SMAP1: variants seen among roughly 807,000 people sequenced by gnomAD.
SMAP1 encodes stromal membrane-associated protein 1.
SMAP1 carries 24 observed loss-of-function variants against 58.5 expected under a neutral mutation model. The observed-to-expected ratio is 0.41, with a 90% CI of 0.30 to 0.58. The LOEUF (loss-of-function observed/expected upper bound fraction) is 0.58, where lower values mean the gene tolerates loss of function less well. SMAP1 is among the 20% of genes least tolerant of loss of function. The pLI is 0.29. For missense variants in SMAP1, 563 were observed against 566.3 expected (o/e 0.99, Z 0.06); for synonymous variants, 216 against 196.6 (o/e 1.10, Z -0.82).
intron 6 of SMAP1, among the ~76,000 whole-genome samples, chr6:70,833,812 G>A (rs1770459823): frequency 6.6e-6 from 1 of 152,008 alleles, no homozygotes; most frequent in African/African-American, 2.4e-5. Context: ...GTTTCGTTGT[G>A]GCCCATAAAA....
At chr6:70,697,123 G>A (rs1767436550) in intron 1 of SMAP1, among the ~76,000 whole-genome samples, 1 of 152,116 alleles carries the variant, frequency 6.6e-6, no homozygotes, top group Non-Finnish European at 1.5e-5. Context: ...TGTTATTACA[G>A]GTGAAGTGTG....
intron 1 of SMAP1, among the ~76,000 whole-genome samples, chr6:70,686,942 T>C (rs1173744802): frequency 2.0e-5 from 3 of 152,218 alleles, no homozygotes; most frequent in Non-Finnish European, 2.9e-5. Context: ...TTGAGAAATA[T>C]TGACCTAATA....
intron 1 of SMAP1, among the ~76,000 whole-genome samples, chr6:70,698,690 C>T (rs1767508897): frequency 6.6e-6 from 1 of 152,154 alleles, no homozygotes; most frequent in African/African-American, 2.4e-5. Flanking sequence ...CTGACGCATT[C>T]TTCAGTATGT....
chr6:70,754,989 G>C lies in SMAP1; in HGVS notation c.262G>C (p.Asp88His). The C allele has an allele frequency of 6.2e-7, 1 of 1,608,064 alleles. No individual in the cohort carries two copies. The change falls in exon 3 of 11, where the codon GAT becomes CAT. Residue 88 changes from aspartate (D) to histidine (H), a missense_variant. By Grantham distance (81) the Asp-to-His change is moderately conservative. This residue lies in a region of SMAP1 where 494 missense variants were observed against 473.8 expected (regional missense o/e 1.04). Coordinates refer to ENST00000370455, the MANE Select transcript of SMAP1 (RefSeq NM_001044305.3). ...WTAEQIQCMQDMGNTKARLLY... is the reference protein window; with the variant it reads ...WTAEQIQCMQHMGNTKARLLY... ...ATTTTTTTTATTATAGTGCATGCAA[G>C]ATATGGGAAATACTAAAGCAAGACT... is the stretch of plus-strand genomic sequence containing the variant.
chr6:70,850,516 T>G lies in SMAP1; in HGVS notation c.665-2024T>G, dbSNP rs190204917. On this transcript the variant is annotated intron_variant, in intron 7 of 10. Coordinates refer to ENST00000370455, the MANE Select transcript of SMAP1 (RefSeq NM_001044305.3). ...CATGTGCTTCTATTTGAGTTTAAAT[T>G]TTATAAACATTTAAAATTTGTACAT... 5.3e-3 allele frequency among the ~76,000 whole-genome samples: 806 copies of G among 151,644 alleles called. 3 individuals are homozygous for G. Among genetic ancestry groups the G allele is most frequent in the African/African-American group, 0.019 (780 of 41,480 alleles).
intron 1 of SMAP1, among the ~76,000 whole-genome samples, chr6:70,701,369 T>G (rs1420695772): frequency 6.6e-6 from 1 of 152,166 alleles, no homozygotes. Context: ...CCTGGCCTGG[T>G]GTCTTACTAG....
chr6:70,689,205 C>T (rs747812087), intron 1 of SMAP1, among the ~76,000 whole-genome samples: 10 of 152,100 alleles, frequency 6.6e-5, no homozygotes, highest in African/African-American at 1.4e-4. Flanking sequence ...GATGGGGTTT[C>T]ACTATGTTGG....
chr6:70,818,886 A>C (rs1212778037), intron 6 of SMAP1, among the ~76,000 whole-genome samples: 1 of 143,454 alleles, frequency 7.0e-6, no homozygotes, highest in Non-Finnish European at 1.5e-5. Context: ...TTCATATATC[A>C]TGTCATCCAT....
At chr6:70,765,737 A>G (rs1766945366) in intron 3 of SMAP1, among the ~76,000 whole-genome samples, 1 of 151,278 alleles carries the variant, frequency 6.6e-6, no homozygotes, top group East Asian at 1.9e-4. Context: ...TTTATTTTTT[A>G]TTTATTTTTA....
intron 6 of SMAP1, among the ~76,000 whole-genome samples, chr6:70,835,324 G>A (rs2149996608): frequency 6.6e-6 from 1 of 151,476 alleles, no homozygotes; most frequent in East Asian, 1.9e-4. Flanking sequence ...TAATTCTAAG[G>A]GAGAGTGTAG....
chr6:70,858,496 G>A, intron 10 of SMAP1: 2 of 293,416 alleles, frequency 6.8e-6, no homozygotes, highest in Non-Finnish European at 1.3e-5. Flanking sequence ...TAACTGTAAC[G>A]TGAACACCAC....
At chr6:70,765,259 A>T (rs1419749420) in intron 3 of SMAP1, among the ~76,000 whole-genome samples, 1 of 152,212 alleles carries the variant, frequency 6.6e-6, no homozygotes, top group Non-Finnish European at 1.5e-5. Context: ...AATGTCTTTG[A>T]TAGGTTCTTA....
intron 4 of SMAP1, among the ~76,000 whole-genome samples, chr6:70,781,658 A>G (rs1001893803): frequency 3.3e-5 from 5 of 152,222 alleles, no homozygotes; most frequent in African/African-American, 1.2e-4. Flanking sequence ...GGACCACCAG[A>G]TTTAATTTTC....
intron 6 of SMAP1, among the ~76,000 whole-genome samples, chr6:70,832,564 A>G (rs1022605813): frequency 3.3e-5 from 5 of 152,216 alleles, no homozygotes; most frequent in Admixed American, 6.5e-5. Context: ...CTGCTGTAAC[A>G]GAATAGCACA....
At chr6:70,680,550 C>T (rs1766657016) in intron 1 of SMAP1, among the ~76,000 whole-genome samples, 1 of 152,020 alleles carries the variant, frequency 6.6e-6, no homozygotes, top group African/African-American at 2.4e-5. Flanking sequence ...AATGTTTTAT[C>T]AGTTGACGAA....
At chr6:70,808,423 AT>A (rs1297703950) in intron 6 of SMAP1, among the ~76,000 whole-genome samples, 1 of 152,164 alleles carries the variant, frequency 6.6e-6, no homozygotes, top group African/African-American at 2.4e-5. Flanking sequence ...TGAAAACTTT[AT>A]TTTTAAAAAC....
At chr6:70,807,438 G>GT (rs1288344975) in intron 6 of SMAP1, among the ~76,000 whole-genome samples, 6 of 151,894 alleles carry the variant, frequency 4.0e-5, no homozygotes, top group African/African-American at 1.5e-4. Context: ...TGTAAATTTC[G>GT]TTTTTTCTAA....
intron 3 of SMAP1, among the ~76,000 whole-genome samples, chr6:70,756,974 C>T (rs1387034582): frequency 2.0e-5 from 3 of 152,106 alleles, no homozygotes; most frequent in Admixed American, 1.3e-4. Context: ...ATGCCATCCC[C>T]ATCAAGCTAC....
chr6:70,773,166 G>T, intron 3 of SMAP1, 184 bp from the exon 4 acceptor site: 1 of 462,388 alleles, frequency 2.2e-6, no homozygotes, highest in Non-Finnish European at 3.9e-6. Context: ...CCTGAAAGAG[G>T]TAGACTTCTT....
Sources: gnomAD v4.1 joint callset for allele counts (sites outside exome capture counted in the v4.1 genomes callset) on GRCh38, gnomAD v4.1.1 for gene constraint, gnomAD v4.1.1 regional missense constraint, MANE v1.5 for transcripts, NCBI Gene and HGNC (gene_info 2026-07-23, HGNC 2026-07-21) for gene names.